Variants in SSBP2 observed in about 807,000 individuals in gnomAD.
SSBP2 encodes the protein single stranded DNA binding protein 2, also known as single-stranded DNA-binding protein 2.
In SSBP2, 17 loss-of-function variants were observed where a neutral mutation model predicts 61.8. That is an observed-to-expected ratio of 0.28 (90% CI 0.19 to 0.41). The LOEUF (loss-of-function observed/expected upper bound fraction) is 0.41. SSBP2 is among the 10% of genes least tolerant of loss of function. SSBP2 has a pLI of 1.00. For missense variants in SSBP2, 310 were observed against 458.7 expected, an observed-to-expected ratio of 0.68 and a Z score of 2.96; for synonymous variants, 139 against 141.3, an observed-to-expected ratio of 0.98 and a Z score of 0.12.
At chr5:81,672,039 TTTC>T (rs1007796519) in intron 1 of SSBP2, among the ~76,000 whole-genome samples, 1 of 152,180 alleles carries the variant, frequency 6.6e-6, no homozygotes, top group Admixed American at 6.5e-5. Context: ...TTGAGCCACA[TTTC>T]TTCTACACTA....
intron 1 of SSBP2, among the ~76,000 whole-genome samples, chr5:81,745,261 C>T (rs866217953): frequency 1.6e-4 from 24 of 152,082 alleles, no homozygotes; most frequent in African/African-American, 5.6e-4. Flanking sequence ...GTGGACCACC[C>T]TTCAGCTCAC....
intron 16 of SSBP2, among the ~76,000 whole-genome samples, chr5:81,422,380 A>G (rs1478388014): frequency 6.6e-6 from 1 of 152,162 alleles, no homozygotes; most frequent in Non-Finnish European, 1.5e-5. Context: ...CAGCTGGCAC[A>G]TGTCTGGGCC....
At chr5:81,572,974 A>G (rs1222244524) in intron 4 of SSBP2, among the ~76,000 whole-genome samples, 1 of 152,226 alleles carries the variant, frequency 6.6e-6, no homozygotes, top group Non-Finnish European at 1.5e-5. Context: ...ACTGTCCAAC[A>G]GTGCTCATAT....
intron 4 of SSBP2, among the ~76,000 whole-genome samples, chr5:81,597,492 G>C (rs543303767): frequency 1.3e-5 from 2 of 152,248 alleles, no homozygotes; most frequent in Admixed American, 1.3e-4. Flanking sequence ...ATTTGACCCA[G>C]CCATCCCATT....
chr5:81,526,015 G>A lies in SSBP2; in HGVS notation c.283-12298C>T, dbSNP rs73133671. 7.9e-3 allele frequency among the ~76,000 whole-genome samples: 1,207 copies of A among 152,142 alleles called. 12 individuals carry two copies. Among genetic ancestry groups the A allele is most frequent in the African/African-American group, 0.027 (1,142 of 41,550 alleles). ...GTTTGTGTGTTGATTTTTCCAGGAAGAAGGTCATCACTACATACTCATCTT... is the reference window on the plus strand; with the variant it reads ...GTTTGTGTGTTGATTTTTCCAGGAAAAAGGTCATCACTACATACTCATCTT... On this transcript the variant is annotated intron_variant, in intron 4 of 16. Transcript: ENST00000320672.
intron 1 of SSBP2, among the ~76,000 whole-genome samples, chr5:81,744,655 T>C (rs775777332): frequency 4.6e-5 from 7 of 152,184 alleles, no homozygotes; most frequent in Non-Finnish European, 8.8e-5. Flanking sequence ...TACAATTTTT[T>C]TTCTGTGCTG....
chr5:81,551,851 ATTATT>A (rs1379658900), intron 4 of SSBP2, among the ~76,000 whole-genome samples: 2 of 152,182 alleles, frequency 1.3e-5, no homozygotes, highest in Non-Finnish European at 2.9e-5. Context: ...CTACAAGACT[ATTATT>A]TTAAAATGTT....
At chr5:81,557,931 T>G (rs1430107183) in intron 4 of SSBP2, among the ~76,000 whole-genome samples, 1 of 152,146 alleles carries the variant, frequency 6.6e-6, no homozygotes, top group African/African-American at 2.4e-5. Context: ...GGTGCTGGAT[T>G]TACATTTCTA....
intron 4 of SSBP2, among the ~76,000 whole-genome samples, chr5:81,518,557 T>G (rs1769216359): frequency 6.6e-6 from 1 of 152,252 alleles, no homozygotes; most frequent in African/African-American, 2.4e-5. Flanking sequence ...CCTCCAGAAC[T>G]ATAATAAATA....
intron 16 of SSBP2, among the ~76,000 whole-genome samples, chr5:81,421,715 A>C (rs959923765): frequency 4.6e-5 from 7 of 152,144 alleles, no homozygotes; most frequent in Admixed American, 4.6e-4. Flanking sequence ...TGTGACAGAA[A>C]AGTTCTACAG....
At chr5:81,725,383 A>C (rs1393493152) in intron 1 of SSBP2, among the ~76,000 whole-genome samples, 3 of 152,178 alleles carry the variant, frequency 2.0e-5, no homozygotes, top group Non-Finnish European at 4.4e-5. Context: ...GTGGAAATGG[A>C]GGAAAAGAGA....
At chr5:81,670,514 C>G (rs1454786550) in intron 1 of SSBP2, among the ~76,000 whole-genome samples, 1 of 152,076 alleles carries the variant, frequency 6.6e-6, no homozygotes, top group East Asian at 1.9e-4. Flanking sequence ...AACAAGTTTA[C>G]TGTAACAATA....
At chr5:81,586,827 C>T (rs1432401248) in intron 4 of SSBP2, among the ~76,000 whole-genome samples, 3 of 151,900 alleles carry the variant, frequency 2.0e-5, no homozygotes, top group Non-Finnish European at 4.4e-5. Context: ...TAAACACCTG[C>T]TTCCCTCTAG....
At chr5:81,494,876 A>G (rs914288634) in intron 5 of SSBP2, among the ~76,000 whole-genome samples, 2 of 152,194 alleles carry the variant, frequency 1.3e-5, no homozygotes, top group African/African-American at 4.8e-5. Context: ...ATTTTCTCCA[A>G]GTAGTCTTTT....
intron 4 of SSBP2, among the ~76,000 whole-genome samples, chr5:81,582,258 CTA>C (rs1349864538): frequency 6.6e-6 from 1 of 152,048 alleles, no homozygotes; most frequent in East Asian, 1.9e-4. Flanking sequence ...TTTAACAAGA[CTA>C]TGTTTTCTTT....
chr5:81,667,602 G>C (rs780203021), intron 1 of SSBP2, among the ~76,000 whole-genome samples: 2 of 151,910 alleles, frequency 1.3e-5, no homozygotes, highest in Non-Finnish European at 2.9e-5. Context: ...AATGTGGCTA[G>C]AAAGTAGCTT....
intron 2 of SSBP2, among the ~76,000 whole-genome samples, chr5:81,640,075 C>A (rs1344047920): frequency 6.6e-6 from 1 of 152,114 alleles, no homozygotes; most frequent in East Asian, 1.9e-4. Flanking sequence ...TGGGGCCAGG[C>A]GCAGTGGCTC....
chr5:81,582,160 CT>C (rs1420241870), intron 4 of SSBP2, among the ~76,000 whole-genome samples: 1 of 152,076 alleles, frequency 6.6e-6, no homozygotes, highest in African/African-American at 2.4e-5. Flanking sequence ...AAGCATTCAT[CT>C]TTGTTTGGGG....
intron 6 of SSBP2, among the ~76,000 whole-genome samples, chr5:81,482,033 C>T (rs1033590476): frequency 2.0e-5 from 3 of 152,032 alleles, no homozygotes; most frequent in Admixed American, 1.3e-4. Context: ...CCTCTGCCTC[C>T]TGAGTTCAAG....
Sources: gnomAD v4.1 joint callset for allele counts (sites outside exome capture counted in the v4.1 genomes callset) on GRCh38, gnomAD v4.1.1 for gene constraint, MANE v1.5 for transcripts, NCBI Gene and HGNC (gene_info 2026-07-23, HGNC 2026-07-21) for gene names.